The following GRK5 variants were observed in gnomAD, a reference collection of about 807,000 sequenced individuals.
The protein encoded by GRK5 is g protein-coupled receptor kinase GRK5.
Under a neutral mutation model 78.4 loss-of-function variants are expected in GRK5, and 40 were observed. The observed-to-expected ratio is 0.51, with a 90% CI of 0.40 to 0.66. The LOEUF (loss-of-function observed/expected upper bound fraction) is 0.66. Among genes scored for constraint, GRK5 ranks in the 30% least tolerant of loss-of-function variants. The pLI, the probability that GRK5 is intolerant of heterozygous loss-of-function variation, is 0.00. For missense variants in GRK5, 598 were observed against 759.9 expected, an observed-to-expected ratio of 0.79 and a Z score of 2.50; for synonymous variants, 289 against 296.8, an observed-to-expected ratio of 0.97 and a Z score of 0.27.
At chr10:119,235,045 G>T (rs1193485770) in intron 1 of GRK5, among the ~76,000 whole-genome samples, 4 of 152,074 alleles carry the variant, frequency 2.6e-5, no homozygotes, top group Non-Finnish European at 5.9e-5. Context: ...CACCATCTCA[G>T]CTCACTGCAA....
intron 1 of GRK5, among the ~76,000 whole-genome samples, chr10:119,325,968 G>T (rs1030636069): frequency 6.6e-6 from 1 of 152,258 alleles, no homozygotes; most frequent in Non-Finnish European, 1.5e-5. Flanking sequence ...CTTCCTTCCA[G>T]CCTCGGAGAC....
intron 4 of GRK5, among the ~76,000 whole-genome samples, chr10:119,405,477 C>T (rs1057498042): frequency 1.3e-5 from 2 of 152,072 alleles, no homozygotes; most frequent in Admixed American, 1.3e-4. Flanking sequence ...TTGTTGGGCT[C>T]TCTGGAAAAC....
intron 1 of GRK5, among the ~76,000 whole-genome samples, chr10:119,225,386 T>C (rs183445794): frequency 2.6e-5 from 4 of 152,306 alleles, no homozygotes; most frequent in African/African-American, 7.2e-5. Flanking sequence ...GGTGGAAATA[T>C]TGCCATGTGG....
At chr10:119,317,541 C>G (rs1850512688) in intron 1 of GRK5, among the ~76,000 whole-genome samples, 1 of 152,126 alleles carries the variant, frequency 6.6e-6, no homozygotes, top group Non-Finnish European at 1.5e-5. Context: ...CTGCAGTCTC[C>G]CTTAGGCTTT....
At chr10:119,347,301 A>G (rs1482867892) in intron 2 of GRK5, among the ~76,000 whole-genome samples, 1 of 151,052 alleles carries the variant, frequency 6.6e-6, no homozygotes, top group Non-Finnish European at 1.5e-5. Flanking sequence ...GTGTGTGTAT[A>G]CATGCAAGTT....
chr10:119,384,776 C>T (rs1325595897), intron 3 of GRK5, among the ~76,000 whole-genome samples: 1 of 152,112 alleles, frequency 6.6e-6, no homozygotes, highest in Admixed American at 6.5e-5. Context: ...AGGCCCAGAA[C>T]CCAGGTCTCC....
At chr10:119,323,377 G>A (rs890023962) in intron 1 of GRK5, among the ~76,000 whole-genome samples, 3 of 152,354 alleles carry the variant, frequency 2.0e-5, no homozygotes, top group African/African-American at 7.2e-5. Flanking sequence ...AGTAGTGTGC[G>A]AGAGGAATGG....
chr10:119,314,878 G>T (rs1346235768), intron 1 of GRK5, among the ~76,000 whole-genome samples: 1 of 152,218 alleles, frequency 6.6e-6, no homozygotes, highest in Non-Finnish European at 1.5e-5. Flanking sequence ...TGTGCAGAAA[G>T]GCTGTGTAGA....
chr10:119,307,219 T>C (rs2133731501), intron 1 of GRK5, among the ~76,000 whole-genome samples: 1 of 152,130 alleles, frequency 6.6e-6, no homozygotes, highest in East Asian at 1.9e-4. Context: ...AGCTAGTAAA[T>C]TACATACCTG....
chr10:119,309,137 A>G (rs1010291833), intron 1 of GRK5, among the ~76,000 whole-genome samples: 3 of 152,146 alleles, frequency 2.0e-5, no homozygotes, highest in Non-Finnish European at 4.4e-5. Context: ...CTAAGAAGAG[A>G]GGGTTCAGCC....
chr10:119,288,011 C>T (rs1457788479), intron 1 of GRK5, among the ~76,000 whole-genome samples: 3 of 152,232 alleles, frequency 2.0e-5, no homozygotes, highest in African/African-American at 4.8e-5. Flanking sequence ...CTGGACTGGA[C>T]GGTCCTCACA....
At chr10:119,367,019 A>G (rs552609320) in intron 2 of GRK5, among the ~76,000 whole-genome samples, 1 of 152,312 alleles carries the variant, frequency 6.6e-6, no homozygotes, top group African/African-American at 2.4e-5. Context: ...TGAGGATTGC[A>G]TGAGACATGC....
chr10:119,396,769 A>G lies in GRK5; in HGVS notation c.336A>G (p.Pro112=), dbSNP rs1470316256. ...GKEIMTKYLT[P]KSPVFIAQVG... The stretch of plus-strand genomic sequence containing the variant: ...AAATTATGACCAAGTACCTCACCCC[A>G]AAGGTAAGGAGTCTTCCAAACCCCA... The change falls in exon 4 of 16, where the codon CCA becomes CCG. Residue 112 remains proline (P), a synonymous_variant. Coordinates refer to ENST00000392870, the MANE Select transcript of GRK5 (RefSeq NM_005308.3). 6.2e-7 allele frequency: 1 copy of G among 1,612,276 alleles called. No homozygotes were observed. Among genetic ancestry groups the G allele is most frequent in the Non-Finnish European group, 8.5e-7 (1 of 1,178,402 alleles).
chr10:119,260,307 GT>G (rs1404339899), intron 1 of GRK5, among the ~76,000 whole-genome samples: 1 of 147,540 alleles, frequency 6.8e-6, no homozygotes, highest in Non-Finnish European at 1.5e-5. Flanking sequence ...GCCAAGGTCA[GT>G]TTTTTAAAAA....
chr10:119,436,345 A>C (rs1672365901), intron 8 of GRK5, among the ~76,000 whole-genome samples: 1 of 152,228 alleles, frequency 6.6e-6, no homozygotes, highest in South Asian at 2.1e-4. Context: ...GCTGATGCAC[A>C]CATGTGCTTC....
chr10:119,443,773 T>C (rs1366860094), intron 12 of GRK5, 21 bp downstream of exon 12: 1 of 1,576,018 alleles, frequency 6.3e-7, no homozygotes, highest in Admixed American at 1.7e-5. Flanking sequence ...GGTGGCCAGA[T>C]GCCACCCTCA....
rs533166173 is a variant in GRK5 at position 119,293,249 on chromosome 10, G to A, written c.53-33267G>A. On this transcript the variant is annotated intron_variant, in intron 1 of 15. Coordinates refer to ENST00000392870, the MANE Select transcript of GRK5 (RefSeq NM_005308.3). ...AAGAGACTTGAGGTGGCTGGATGCC[G>A]TGGCTCACACCTGTGATTCCAGCAC... 4.6e-5 allele frequency among the ~76,000 whole-genome samples: 7 copies of A among 152,298 alleles called. No homozygotes were observed. In the South Asian group the frequency reaches 6.2e-4, roughly 14 times the overall value.
At chr10:119,214,468 A>G (rs1267388360) in intron 1 of GRK5, among the ~76,000 whole-genome samples, 3 of 152,136 alleles carry the variant, frequency 2.0e-5, no homozygotes, top group Admixed American at 1.3e-4. Flanking sequence ...TACTTGAGGG[A>G]TAGACCTGAA....
chr10:119,275,613 GCACACACACACA>G (rs796867686), intron 1 of GRK5, among the ~76,000 whole-genome samples: 2 of 120,756 alleles, frequency 1.7e-5, no homozygotes, highest in South Asian at 2.7e-4. Context: ...TCTCTCTCTC[GCACACACACACA>G]CACACACACA....
Sources: allele counts gnomAD v4.1 joint callset (sites outside exome capture counted in the v4.1 genomes callset), GRCh38; gene constraint gnomAD v4.1.1; transcripts MANE v1.5; gene names NCBI Gene and HGNC (gene_info 2026-07-23, HGNC 2026-07-21).